CPVL: variants seen among roughly 807,000 people sequenced by gnomAD.
CPVL encodes carboxypeptidase vitellogenic like.
CPVL carries 51 observed loss-of-function variants against 63.7 expected under a neutral mutation model. The ratio of observed to expected loss-of-function variants is 0.80; its 90% confidence interval spans 0.64 to 1.01. CPVL has a LOEUF of 1.01. CPVL is among the 50% of genes least tolerant of loss of function. CPVL has a pLI of 0.00. For synonymous variants in CPVL, 195 were observed against 206.0 expected (o/e 0.95, Z 0.46); for missense variants, 530 against 573.1 (o/e 0.92, Z 0.77).
At chr7:29,168,891 T>C (rs1254748107) in intron 5 of CPVL, among the ~76,000 whole-genome samples, 1 of 152,212 alleles carries the variant, frequency 6.6e-6, no homozygotes, top group Non-Finnish European at 1.5e-5. Flanking sequence ...ATCTATAAGC[T>C]TCTAAGAGGT....
chr7:29,004,949 T>C (rs975147987), intron 12 of CPVL, among the ~76,000 whole-genome samples: 2 of 148,416 alleles, frequency 1.3e-5, no homozygotes, highest in Admixed American at 7.0e-5. Flanking sequence ...CAGGCTGGAG[T>C]GCAGTGATGT....
intron 3 of CPVL, among the ~76,000 whole-genome samples, chr7:29,106,115 T>G (rs1522918): frequency 0.51 from 78,180 of 151,848 alleles, 20,822 homozygotes; most frequent in East Asian, 0.77. Flanking sequence ...CTTGGGTAAA[T>G]AGGAACAGGT....
intron 12 of CPVL, among the ~76,000 whole-genome samples, chr7:29,025,506 C>G (rs938634066): frequency 2.6e-5 from 4 of 152,112 alleles, no homozygotes; most frequent in South Asian, 2.1e-4. Context: ...ACACAATCAC[C>G]TCCCATCAGA....
chr7:29,114,877 T>C (rs1197500400), intron 2 of CPVL, among the ~76,000 whole-genome samples: 1 of 152,136 alleles, frequency 6.6e-6, no homozygotes, highest in Admixed American at 6.5e-5. Context: ...GAACTACTGT[T>C]GCTGTCTGTG....
chr7:29,028,578 C>A (rs1324267488), intron 12 of CPVL, among the ~76,000 whole-genome samples: 1 of 152,164 alleles, frequency 6.6e-6, no homozygotes, highest in African/African-American at 2.4e-5. Context: ...GAGAAAATAT[C>A]TGCCAACTAT....
rs540749696 is a variant in CPVL at position 29,095,086 on chromosome 7, G to T, written c.460C>A (p.Pro154Thr). The T allele has an allele frequency of 6.8e-6, 11 of 1,613,300 alleles. No homozygotes were observed. In the South Asian group the frequency reaches 1.2e-4, roughly 18 times the overall value. The change falls in exon 5 of 13, where the codon CCA becomes ACA. Residue 154 changes from proline to threonine, a missense_variant and splice_region_variant. Pro to Thr is a conservative substitution (Grantham distance 38, BLOSUM62 -1). Transcript: ENST00000265394. ...TTLSMLYIDN[P>T]VGTGFSFTDD... ...TCACAGGGTCATCCCGGACTTACTG[G>T]ATTGTCAATGTAAAGCATGGAGAGC...
At chr7:29,102,595 G>A (rs540273441) in intron 3 of CPVL, among the ~76,000 whole-genome samples, 1 of 152,252 alleles carries the variant, frequency 6.6e-6, no homozygotes, top group East Asian at 1.9e-4. Context: ...ATTAAAGAAA[G>A]AACAAAGGAA....
At chr7:29,183,811 G>A (rs969664527) in intron 4 of CPVL, among the ~76,000 whole-genome samples, 2 of 152,128 alleles carry the variant, frequency 1.3e-5, no homozygotes, top group African/African-American at 4.8e-5. Context: ...TACATATGCA[G>A]TCAGCTCTCT....
At chr7:29,182,597 A>G (rs1000776563) in intron 4 of CPVL, among the ~76,000 whole-genome samples, 37 of 152,344 alleles carry the variant, frequency 2.4e-4, no homozygotes, top group African/African-American at 8.7e-4. Flanking sequence ...ACTTTAAAAT[A>G]TCAATTCAAC....
At chr7:29,040,282 TCA>T (rs1481658606) in intron 11 of CPVL, among the ~76,000 whole-genome samples, 3 of 152,226 alleles carry the variant, frequency 2.0e-5, no homozygotes, top group African/African-American at 7.2e-5. Flanking sequence ...AGAATTAATT[TCA>T]CTATTATCCA....
At chr7:29,060,684 C>G (rs1421026498) in intron 11 of CPVL, among the ~76,000 whole-genome samples, 2 of 152,162 alleles carry the variant, frequency 1.3e-5, no homozygotes, top group African/African-American at 4.8e-5. Flanking sequence ...AATTTTTATA[C>G]AGAAACTACA....
intron 1 of CPVL, among the ~76,000 whole-genome samples, chr7:29,145,156 A>G (rs1487748694): frequency 3.3e-5 from 5 of 151,882 alleles, no homozygotes. Flanking sequence ...AAAGTGCTCC[A>G]ATTCTCCTTT....
At chr7:29,079,116 A>T (rs749946749) in intron 7 of CPVL, among the ~76,000 whole-genome samples, 6 of 152,222 alleles carry the variant, frequency 3.9e-5, no homozygotes, top group Admixed American at 1.3e-4. Flanking sequence ...TATGATTAAA[A>T]CAGTCTTGGC....
At chr7:29,085,884 G>C (rs556042914) in intron 7 of CPVL, among the ~76,000 whole-genome samples, 13 of 152,262 alleles carry the variant, frequency 8.5e-5, no homozygotes, top group Middle Eastern at 3.4e-3. Flanking sequence ...CACCTGGCCT[G>C]GACTCTTCAA....
chr7:29,111,413 T>C (rs530194477), intron 3 of CPVL, among the ~76,000 whole-genome samples: 3 of 152,162 alleles, frequency 2.0e-5, no homozygotes, highest in African/African-American at 7.2e-5. Flanking sequence ...TGGAGGGTGC[T>C]CAGGCTCCAG....
At chr7:29,167,262 A>G (rs1796036968) in intron 5 of CPVL, among the ~76,000 whole-genome samples, 1 of 152,216 alleles carries the variant, frequency 6.6e-6, no homozygotes, top group Non-Finnish European at 1.5e-5. Context: ...ACCTTTGTCA[A>G]ATACAATAAT....
chr7:29,187,664 G>T (rs1410635066), intron 1 of CPVL, among the ~76,000 whole-genome samples: 1 of 151,928 alleles, frequency 6.6e-6, no homozygotes. Flanking sequence ...GGAGGCAGAG[G>T]TTGCAATGAG....
At chr7:29,099,999 G>C (rs532116056) in intron 3 of CPVL, among the ~76,000 whole-genome samples, 1 of 152,258 alleles carries the variant, frequency 6.6e-6, no homozygotes, top group East Asian at 1.9e-4. Context: ...GCCCCAACCT[G>C]CCTGTGGAGC....
At chr7:29,182,678 C>T (rs1241870548) in intron 4 of CPVL, among the ~76,000 whole-genome samples, 2 of 152,110 alleles carry the variant, frequency 1.3e-5, no homozygotes, top group African/African-American at 4.8e-5. Context: ...ACCCAATGTC[C>T]CTCAAGATTG....
Sources: allele counts gnomAD v4.1 joint callset (sites outside exome capture counted in the v4.1 genomes callset), GRCh38; gene constraint gnomAD v4.1.1; transcripts MANE v1.5; gene names NCBI Gene and HGNC (gene_info 2026-07-23, HGNC 2026-07-21).